ZNF692: variants seen among roughly 807,000 people sequenced by gnomAD.
ZNF692 encodes zinc finger protein 692, also known as AICAR responsive element binding protein.
Under a neutral mutation model 49.0 loss-of-function variants are expected in ZNF692, and 41 were observed. The observed-to-expected ratio is 0.84, with a 90% CI of 0.65 to 1.08. The LOEUF is 1.08. Among genes scored for constraint, ZNF692 ranks in the 50% least tolerant of loss-of-function variants. ZNF692 has a pLI of 0.00. For missense variants in ZNF692, 662 were observed against 662.2 expected, an observed-to-expected ratio of 1.00 and a Z score of 0.00; for synonymous variants, 288 against 251.5, an observed-to-expected ratio of 1.15 and a Z score of -1.37.
intron 2 of ZNF692, 91 bp from the exon 3 acceptor site, chr1:248,857,950 G>A: frequency 6.4e-7 from 1 of 1,570,078 alleles, no homozygotes; most frequent in Non-Finnish European, 8.6e-7. Flanking sequence ...AGCCCTAAGG[G>A]CCGCTATTCG....
intron 6 of ZNF692, 114 bp from the exon 7 acceptor site, chr1:248,856,060 C>T: frequency 7.9e-7 from 1 of 1,260,104 alleles, no homozygotes; most frequent in South Asian, 1.4e-5. Flanking sequence ...ACCCTACCCC[C>T]ACCCTAGGCT....
rs371713268 is a variant in ZNF692 at position 248,850,704 on chromosome 1, G to A, written c.1231C>T (p.His411Tyr). The change falls in exon 11 of 12, where the codon CAC becomes TAC. Residue 411 changes from histidine (H) to tyrosine (Y), a missense_variant. Transcript: ENST00000306601. ...CACTGCAGGGGTTTTTCTCCAGTGT[G>A]GATACGTCTGTGGATGACAAGGTTG... The part of the protein sequence containing the change: ...SSNLVIHRRI[H>Y]TGEKPLQCEI... 2.5e-6 allele frequency: 4 copies of A among 1,613,964 alleles called. No individual in the cohort carries two copies. The highest frequency in any genetic ancestry group is 2.2e-5 in the East Asian group (1 of 44,878).
rs959658382 is a variant in ZNF692 at position 248,858,367 on chromosome 1, G to A, written c.-12-46C>T. Reference sequence around the variant, plus strand: ...CTTCAGCGCCCTGCCGATCTCGGGGGTCGGGGACCCGGCTCCACCTGCCGT... The same window carrying A: ...CTTCAGCGCCCTGCCGATCTCGGGGATCGGGGACCCGGCTCCACCTGCCGT... On this transcript the variant is annotated intron_variant, in intron 1 of 11. Coordinates refer to ENST00000306601, the MANE Select transcript of ZNF692 (RefSeq NM_017865.4). The surrounding 1 kb of genome is among the most constrained non-coding windows in gnomAD (Gnocchi z 4.3). 24 of 1,530,890 alleles carry A rather than the reference G, an allele frequency of 1.6e-5. No individual in the cohort carries two copies. The Admixed American group carries it at 4.6e-4, about 29-fold the overall frequency. The allele number at this position is 1,530,890 out of a possible 1,614,324, so 94.8% of individuals were successfully genotyped here. A position where few individuals can be genotyped will look rare whatever the true frequency, so the allele number is the denominator to read the frequency against.
intron 10 of ZNF692, among the ~76,000 whole-genome samples, chr1:248,852,804 C>T (rs970426637): frequency 6.6e-6 from 1 of 152,192 alleles, no homozygotes; most frequent in Admixed American, 6.5e-5. Flanking sequence ...TCATCTTCCT[C>T]ACTACTCACC....
chr1:248,856,162 C>G (rs1660212269), intron 6 of ZNF692, 126 bp downstream of exon 6: 1 of 1,462,204 alleles, frequency 6.8e-7, no homozygotes, highest in South Asian at 1.4e-5. Context: ...GTTCTTTTTG[C>G]CTTCCCCAAA....
In ZNF692 at chr1:248,856,509, C is replaced by G. The variant is rs1387963716; in HGVS notation, c.524+5G>C. On this transcript the variant is annotated splice_donor_5th_base_variant and intron_variant, in intron 5 of 11. Transcript: ENST00000306601. ...CCGCCTTTTCTCTCCTATCCACATC[C>G]TCACCTGGGCAACCTGGCCTCTTGA... The G allele has an allele frequency of 6.2e-7, 1 of 1,614,128 alleles. No homozygotes were observed.
rs1660507407 is a variant in ZNF692, at chr1:248,858,433, A to G, written c.-12-112T>C. 1 of 1,550,934 alleles carries G rather than the reference A, an allele frequency of 6.4e-7. No individual in the cohort carries two copies. Among genetic ancestry groups the G allele is most frequent in the Non-Finnish European group, 8.7e-7 (1 of 1,146,426 alleles). ...CTCATCAGTGAACTGGGGCAAGACTAAACTATTTCAATAGCAGTGGCAGGT... is the reference window on the plus strand; with the variant it reads ...CTCATCAGTGAACTGGGGCAAGACTGAACTATTTCAATAGCAGTGGCAGGT... On this transcript the variant is annotated intron_variant, in intron 1 of 11. Coordinates refer to ENST00000306601, the MANE Select transcript of ZNF692 (RefSeq NM_017865.4). The surrounding 1 kb of genome is among the most constrained non-coding windows in gnomAD (Gnocchi z 4.3).
At position 248,850,530 on chromosome 1, in the gene ZNF692, C is replaced by G; in HGVS notation, c.1254-14G>C. 1.3e-6 allele frequency: 2 copies of G among 1,597,908 alleles called. No individual in the cohort carries two copies. Among genetic ancestry groups the G allele is most frequent in the Non-Finnish European group, 1.7e-6 (2 of 1,170,476 alleles). On this transcript the variant is annotated splice_polypyrimidine_tract_variant and intron_variant, in intron 11 of 11. Transcript: ENST00000306601. ...CATATCTCACACCTGGAGTCAGGGA[C>G]AGAAGAGGGAAGGAACAAGGCCTCA...
At chr1:248,851,005 T>A (rs1280704676) in intron 10 of ZNF692, 1 of 675,574 alleles carries the variant, frequency 1.5e-6, no homozygotes, top group Admixed American at 2.0e-5. Flanking sequence ...TTCATTATTG[T>A]CCACCCCAGC....
rs764103786 is a variant in ZNF692, at chr1:248,854,101, C to A, written c.1039-50G>T. The A allele has an allele frequency of 2.8e-6, 4 of 1,411,230 alleles. No individual in the cohort carries two copies. In the South Asian group the frequency reaches 3.5e-5, roughly 12 times the overall value. The allele number at this position is 1,411,230 out of a possible 1,614,324, so 87.4% of individuals were successfully genotyped here. A position where few individuals can be genotyped will look rare whatever the true frequency, so the allele number is the denominator to read the frequency against. On this transcript the variant is annotated intron_variant, in intron 9 of 11. Coordinates refer to ENST00000306601, the MANE Select transcript of ZNF692 (RefSeq NM_017865.4). ...GAGAGAAGAGGCAAAAGGATAGCCA[C>A]CTTCCACGGAGAGATGAACTGAGCT...
Position 248,855,567 on chromosome 1 carries a change from T to C in ZNF692, c.950A>G (p.Lys317Arg), listed in dbSNP as rs776455832. ...TCTCCCTAAGTCCTACCTAATTCTCTTGGGGCCAATTTGTGCAGTGTCCTC... is the reference window on the plus strand; with the variant it reads ...TCTCCCTAAGTCCTACCTAATTCTCCTGGGGCCAATTTGTGCAGTGTCCTC... ...WDEDTAQIGP[K>R]RIRKAAKREL... Residue 317 changes from lysine to arginine, a missense_variant, in exon 8 of 12, where the codon AAG (lysine) becomes AGG (arginine). Coordinates refer to ENST00000306601, the MANE Select transcript of ZNF692 (RefSeq NM_017865.4). 11 of 1,614,160 alleles carry C rather than the reference T, an allele frequency of 6.8e-6. No homozygotes were observed. The highest frequency in any genetic ancestry group is 9.3e-6 in the Non-Finnish European group (11 of 1,180,018).
chr1:248,855,180 C>G (rs1014460115), intron 9 of ZNF692, among the ~76,000 whole-genome samples, 200 bp downstream of exon 9: 1 of 152,232 alleles, frequency 6.6e-6, no homozygotes, highest in Non-Finnish European at 1.5e-5. Flanking sequence ...AATGCCTAAC[C>G]TTTCTGTCTG....
chr1:248,856,167 C>T lies in ZNF692; in HGVS notation c.659+121G>A, dbSNP rs72770970. 2,354 of 1,481,752 alleles carry T rather than the reference C, an allele frequency of 1.6e-3. 5 individuals are homozygous for T. The highest frequency in any genetic ancestry group is 2.0e-3 in the Non-Finnish European group (2,210 of 1,110,008). 91.8% of individuals were successfully genotyped at this position (1,481,752 alleles called of 1,614,324 possible). A position where few individuals can be genotyped will look rare whatever the true frequency, so the allele number is the denominator to read the frequency against. ...AAAGCCTCTAGTTCTTTTTGCCTTCCCCAAAACCCACCCTTCCCTCCACAC... is the reference window on the plus strand; with the variant it reads ...AAAGCCTCTAGTTCTTTTTGCCTTCTCCAAAACCCACCCTTCCCTCCACAC... On this transcript the variant is annotated intron_variant, in intron 6 of 11. Transcript: ENST00000306601.
At position 248,855,735 on chromosome 1, in the gene ZNF692, C is replaced by T; in HGVS notation, c.871G>A (p.Ala291Thr). The change falls in exon 7 of 12, where the codon GCC (alanine) becomes ACC (threonine). Residue 291 changes from alanine (A) to threonine (T), a missense_variant. Physicochemically the swap from Ala to Thr is moderately conservative, Grantham distance 58 (BLOSUM62 0). Coordinates refer to ENST00000306601, the MANE Select transcript of ZNF692 (RefSeq NM_017865.4). ...RTPQAAQQTE[A>T]LASTGSQAQS... is the part of the protein sequence containing the mutation. ...CAGCCATCAGGTTACCTGGCCAGGG[C>T]CTCAGTCTGCTGGGCCGCTTGAGGG... The T allele has an allele frequency of 1.2e-6, 2 of 1,614,250 alleles. No homozygotes were observed. The highest frequency in any genetic ancestry group is 2.2e-5 in the East Asian group (1 of 44,884).
chr1:248,854,110 G>A (rs1659939632), intron 9 of ZNF692, 59 bp from the exon 10 acceptor site: 2 of 1,344,936 alleles, frequency 1.5e-6, no homozygotes, highest in Non-Finnish European at 2.1e-6. Flanking sequence ...ACCTTCCACG[G>A]AGAGATGAAC....
At chr1:248,853,776 A>C (rs1659897444) in intron 10 of ZNF692, among the ~76,000 whole-genome samples, 161 bp downstream of exon 10, 2 of 152,224 alleles carry the variant, frequency 1.3e-5, no homozygotes, top group African/African-American at 4.8e-5. Flanking sequence ...ATACAGGATG[A>C]GGGAGAGTCA....
In ZNF692 at chr1:248,858,686, ACTGGT is replaced by A; in HGVS notation, c.-13+227_-13+231del. 1.2e-6 allele frequency: 1 copy of A among 864,494 alleles called. No individual in the cohort carries two copies. The highest frequency in any genetic ancestry group is 3.2e-4 in the Middle Eastern group (1 of 3,122). 53.6% of individuals were successfully genotyped at this position (864,494 alleles called of 1,614,324 possible). ...CATCTTGAATAGGGCAGCGGCCTTT[ACTGGT>A]TTCTAGGGGAAGGAAAGGTCGTGTC... On this transcript the variant is annotated intron_variant, in intron 1 of 11. Transcript: ENST00000306601. This position sits in a 1 kb window ranked among gnomAD's most constrained non-coding sequence, Gnocchi z 4.3.
chr1:248,853,690 G>A (rs1175994385), intron 10 of ZNF692, among the ~76,000 whole-genome samples: 1 of 152,224 alleles, frequency 6.6e-6, no homozygotes, highest in African/African-American at 2.4e-5. Flanking sequence ...AAGAGGGTTA[G>A]CGCTGCCTGC....
chr1:248,852,184 C>T (rs1465737954), intron 10 of ZNF692, among the ~76,000 whole-genome samples: 1 of 152,188 alleles, frequency 6.6e-6, no homozygotes, highest in African/African-American at 2.4e-5. Flanking sequence ...CTCATCAGTT[C>T]ACTTTTCCAA....
Sources: gnomAD v4.1 joint callset for allele counts (sites outside exome capture counted in the v4.1 genomes callset) on GRCh38, gnomAD v4.1.1 for gene constraint, Gnocchi (gnomAD v3.1) non-coding constraint, MANE v1.5 for transcripts, NCBI Gene and HGNC (gene_info 2026-07-23, HGNC 2026-07-21) for gene names.